Variants in SEMA3E observed in about 807,000 individuals in gnomAD.
SEMA3E encodes the protein semaphorin 3E.
SEMA3E carries 49 observed loss-of-function variants against 93.6 expected under a neutral mutation model. That is an observed-to-expected ratio of 0.52 (90% confidence interval 0.42 to 0.66). The LOEUF is 0.66. Among genes scored for constraint, SEMA3E ranks in the 30% least tolerant of loss-of-function variants. SEMA3E has a pLI of 0.00. For missense variants in SEMA3E, 906 were observed against 964.8 expected (o/e 0.94, Z 0.81); for synonymous variants, 363 against 330.7 (o/e 1.10, Z -1.06).
chr7:83,498,077 TTTCTC>T (rs144162718), intron 1 of SEMA3E, among the ~76,000 whole-genome samples: 49,000 of 151,238 alleles, frequency 0.32, 9,568 homozygotes, highest in East Asian at 0.44. Flanking sequence ...GTAAATATAT[TTTCTC>T]TTATGGTTTT....
chr7:83,532,219 T>C (rs777906411), intron 1 of SEMA3E, among the ~76,000 whole-genome samples: 32 of 152,222 alleles, frequency 2.1e-4, no homozygotes, highest in Non-Finnish European at 4.0e-4. Flanking sequence ...TCTTGGGATT[T>C]GAGAACATAA....
At chr7:83,522,157 T>C (rs1335406067) in intron 1 of SEMA3E, among the ~76,000 whole-genome samples, 1 of 152,204 alleles carries the variant, frequency 6.6e-6, no homozygotes, top group East Asian at 1.9e-4. Context: ...TAAATTTCAA[T>C]GCTACCTTAA....
chr7:83,565,802 T>A (rs1390199254), intron 1 of SEMA3E, among the ~76,000 whole-genome samples: 3 of 152,252 alleles, frequency 2.0e-5, no homozygotes, highest in East Asian at 1.9e-4. Context: ...TTTTATGACC[T>A]TCTTTGGAAT....
At chr7:83,450,896 A>G (rs1271062915) in intron 4 of SEMA3E, among the ~76,000 whole-genome samples, 2 of 152,200 alleles carry the variant, frequency 1.3e-5, no homozygotes, top group African/African-American at 2.4e-5. Context: ...TAATTAAAGA[A>G]AAAAGTTGTC....
intron 4 of SEMA3E, among the ~76,000 whole-genome samples, chr7:83,456,148 C>T (rs1789473886): frequency 6.6e-6 from 1 of 152,192 alleles, no homozygotes; most frequent in African/African-American, 2.4e-5. Context: ...GAAATGTTGG[C>T]TGTTAAGTAA....
chr7:83,549,424 GTCTTTGACAT>G (rs1484786599), intron 1 of SEMA3E, among the ~76,000 whole-genome samples: 1 of 152,004 alleles, frequency 6.6e-6, no homozygotes, highest in Non-Finnish European at 1.5e-5. Context: ...TGCTTTTCCT[GTCTTTGACAT>G]TTGTCACTAT....
chr7:83,474,617 C>T (rs554083492), intron 2 of SEMA3E, among the ~76,000 whole-genome samples: 176 of 152,244 alleles, frequency 1.2e-3, no homozygotes, highest in African/African-American at 4.1e-3. Context: ...GCAAAAAGCA[C>T]ACACATAAAA....
rs1790605930 is a variant in SEMA3E, at chr7:83,501,964, AC to A, written c.116-11691del. Among the ~76,000 whole-genome samples, 3 of 152,276 alleles carry A rather than the reference AC, an allele frequency of 2.0e-5. No homozygotes were observed. The South Asian group carries it at 6.2e-4, about 32-fold the overall frequency. On this transcript the variant is annotated intron_variant, in intron 1 of 16. Coordinates refer to ENST00000643230, the MANE Select transcript of SEMA3E (RefSeq NM_012431.3). ...CTTCTATCTTGACCCCCAAATCCATACTTGAGCAGCCAAGTCCTAATAGCTA... is the reference window on the plus strand; with the variant it reads ...CTTCTATCTTGACCCCCAAATCCATATTGAGCAGCCAAGTCCTAATAGCTA...
intron 4 of SEMA3E, among the ~76,000 whole-genome samples, chr7:83,436,374 T>C (rs1278606671): frequency 3.3e-5 from 5 of 151,476 alleles, no homozygotes; most frequent in Non-Finnish European, 7.4e-5. Flanking sequence ...AGAATCAAGA[T>C]TTTTTATAAA....
chr7:83,465,220 C>G (rs1789726715), intron 4 of SEMA3E, among the ~76,000 whole-genome samples: 1 of 151,954 alleles, frequency 6.6e-6, no homozygotes, highest in Non-Finnish European at 1.5e-5. Context: ...CCCCCTTTGA[C>G]TGTAATTTTC....
At chr7:83,506,565 A>T (rs1050071773) in intron 1 of SEMA3E, among the ~76,000 whole-genome samples, 5 of 152,182 alleles carry the variant, frequency 3.3e-5, no homozygotes, top group Non-Finnish European at 5.9e-5. Flanking sequence ...GCATGGTTAA[A>T]AAAACATAAG....
At chr7:83,467,550 G>T (rs2115885049) in intron 3 of SEMA3E, among the ~76,000 whole-genome samples, 1 of 152,282 alleles carries the variant, frequency 6.6e-6, no homozygotes, top group South Asian at 2.1e-4. Flanking sequence ...TTTCTGTAAA[G>T]GACGAGAATG....
At chr7:83,584,891 C>T (rs1326269368) in intron 1 of SEMA3E, among the ~76,000 whole-genome samples, 1 of 152,010 alleles carries the variant, frequency 6.6e-6, no homozygotes, top group African/African-American at 2.4e-5. Context: ...AATCTTCCCC[C>T]AAAAAACTCA....
intron 1 of SEMA3E, among the ~76,000 whole-genome samples, chr7:83,615,463 A>G (rs931880188): frequency 2.0e-5 from 3 of 152,204 alleles, no homozygotes; most frequent in South Asian, 4.2e-4. Context: ...GACCCAGAGG[A>G]AAAAATAGGC....
chr7:83,634,454 C>T (rs1459709085), intron 1 of SEMA3E, among the ~76,000 whole-genome samples: 2 of 152,176 alleles, frequency 1.3e-5, no homozygotes, highest in East Asian at 1.9e-4. Context: ...TGGGCATACA[C>T]ATTTTGGAGC....
At chr7:83,511,808 T>C (rs1790827059) in intron 1 of SEMA3E, among the ~76,000 whole-genome samples, 1 of 152,032 alleles carries the variant, frequency 6.6e-6, no homozygotes, top group African/African-American at 2.4e-5. Context: ...GGCACGAGAA[T>C]CGCTTGAACT....
chr7:83,587,792 A>G (rs1792662180), intron 1 of SEMA3E, among the ~76,000 whole-genome samples: 1 of 151,960 alleles, frequency 6.6e-6, no homozygotes, highest in African/African-American at 2.4e-5. Flanking sequence ...AAAGGAATGA[A>G]GATGAATTTC....
intron 1 of SEMA3E, among the ~76,000 whole-genome samples, chr7:83,642,956 A>G (rs900597908): frequency 7.9e-5 from 12 of 152,092 alleles, no homozygotes; most frequent in Non-Finnish European, 1.5e-5. Context: ...AAATTCCTCT[A>G]TTAAACCACA....
intron 1 of SEMA3E, among the ~76,000 whole-genome samples, chr7:83,552,134 A>G (rs1450780420): frequency 6.6e-6 from 1 of 152,156 alleles, no homozygotes; most frequent in Non-Finnish European, 1.5e-5. Flanking sequence ...TTTATCAGGA[A>G]TAGCTTCTGT....
Sources: allele counts gnomAD v4.1 joint callset (sites outside exome capture counted in the v4.1 genomes callset), GRCh38; gene constraint gnomAD v4.1.1; transcripts MANE v1.5; gene names NCBI Gene and HGNC (gene_info 2026-07-23, HGNC 2026-07-21).